Variants in NOMO1 observed in about 807,000 individuals in gnomAD.
NOMO1 encodes the protein nodal modulator 3.
Under a neutral mutation model 133.8 loss-of-function variants are expected in NOMO1, and 40 were observed. The ratio of observed to expected loss-of-function variants is 0.30; its 90% CI spans 0.23 to 0.39. The LOEUF is 0.39. Among genes scored for constraint, NOMO1 ranks in the 10% least tolerant of loss-of-function variants. The probability of loss-of-function intolerance (pLI) is 1.00; values close to 1 mark genes in which losing one functional copy is unlikely to be tolerated. For synonymous variants in NOMO1, 236 were observed against 570.5 expected, an observed-to-expected ratio of 0.41 and a Z score of 8.36; for missense variants, 462 against 1,419.9, an observed-to-expected ratio of 0.33 and a Z score of 10.84.
intron 11 of NOMO1, 26 bp downstream of exon 11, chr16:14,857,681 G>T (rs1187238582): frequency 6.2e-7 from 1 of 1,613,694 alleles, no homozygotes; most frequent in Non-Finnish European, 8.5e-7. Flanking sequence ...GGATTTGGAA[G>T]CGCCAGTAAA....
chr16:14,835,874 A>G (rs1963499163), intron 1 of NOMO1, among the ~76,000 whole-genome samples: 6 of 151,870 alleles, frequency 4.0e-5, no homozygotes, highest in Admixed American at 3.9e-4. Context: ...GTCAACAACT[A>G]TTTACTGAGC....
intron 29 of NOMO1, among the ~76,000 whole-genome samples, chr16:14,894,238 T>G (rs1348518671): frequency 1.3e-5 from 2 of 152,088 alleles, no homozygotes; most frequent in Non-Finnish European, 1.5e-5. Flanking sequence ...TCTGTCTCAT[T>G]GCGCTGTTCC....
rs557154174 is a variant in NOMO1 at position 14,860,599 on chromosome 16, G to A, written c.1221-2414G>A. On this transcript the variant is annotated intron_variant, in intron 11 of 30. Coordinates refer to ENST00000287667, the MANE Select transcript of NOMO1 (RefSeq NM_014287.4). ...AGCGAGGAGTAGATGGATTTGGTAG[G>A]TCACATGGAGAACACACCCACAGGC... Among the ~76,000 whole-genome samples the A allele has an allele frequency of 1.2e-4, 18 of 151,920 alleles. No homozygotes were observed. In the South Asian group the frequency reaches 2.7e-3, roughly 23 times the overall value.
At chr16:14,837,267 C>G (rs1221432817) in intron 1 of NOMO1, among the ~76,000 whole-genome samples, 1 of 152,034 alleles carries the variant, frequency 6.6e-6, no homozygotes, top group Admixed American at 6.6e-5. Flanking sequence ...CTTTGGCCTC[C>G]CAAAATGCTG....
At chr16:14,877,497 A>G (rs1342657816) in intron 22 of NOMO1, among the ~76,000 whole-genome samples, 3 of 151,462 alleles carry the variant, frequency 2.0e-5, no homozygotes, top group Non-Finnish European at 4.4e-5. Context: ...ACTGAAAGAT[A>G]TTCAAACTCG....
intron 28 of NOMO1, 46 bp from the exon 29 acceptor site, chr16:14,889,050 G>T: frequency 6.2e-7 from 1 of 1,611,678 alleles, no homozygotes; most frequent in South Asian, 1.1e-5. Context: ...CATTTGCTTT[G>T]CCAGAGCTGT....
At chr16:14,844,988 C>T (rs1963658303) in intron 4 of NOMO1, among the ~76,000 whole-genome samples, 1 of 152,014 alleles carries the variant, frequency 6.6e-6, no homozygotes, top group African/African-American at 2.4e-5. Context: ...GTCATCCCCT[C>T]TGCTCCCAGA....
At chr16:14,860,328 A>G (rs1485346828) in intron 11 of NOMO1, among the ~76,000 whole-genome samples, 1 of 150,634 alleles carries the variant, frequency 6.6e-6, no homozygotes, top group Non-Finnish European at 1.5e-5. Context: ...AGATTGCACC[A>G]TTGCACTCCA....
chr16:14,855,354 G>C lies in NOMO1; in HGVS notation c.963+1328G>C, dbSNP rs1963818272. On this transcript the variant is annotated intron_variant, in intron 9 of 30. Coordinates refer to ENST00000287667, the MANE Select transcript of NOMO1 (RefSeq NM_014287.4). ...TCCTTTAATTACAGAAGTAGAAAAT[G>C]GTTACTGTAGAAAATTGGCTAGCTA... 1.3e-5 allele frequency among the ~76,000 whole-genome samples: 2 copies of C among 150,864 alleles called. 1 individual carries two copies. The highest frequency in any genetic ancestry group is 4.9e-5 in the African/African-American group (2 of 40,820).
At chr16:14,878,547 TAC>T (rs1348995352) in intron 22 of NOMO1, among the ~76,000 whole-genome samples, 172 bp from the exon 23 acceptor site, 2 of 143,798 alleles carry the variant, frequency 1.4e-5, no homozygotes, top group East Asian at 4.3e-4. Context: ...ACACCAAACT[TAC>T]AAAACTTACA....
chr16:14,837,429 G>A (rs1010623544), intron 1 of NOMO1, among the ~76,000 whole-genome samples: 1 of 152,122 alleles, frequency 6.6e-6, no homozygotes, highest in African/African-American at 2.4e-5. Context: ...AACCGAACAC[G>A]AGCTTGCCCA....
intron 1 of NOMO1, among the ~76,000 whole-genome samples, chr16:14,834,593 G>A (rs1597087725): frequency 2.0e-5 from 3 of 150,426 alleles, no homozygotes; most frequent in African/African-American, 4.9e-5. Flanking sequence ...TTATTTCTCC[G>A]GCTCCCCTCC....
In NOMO1 at chr16:14,884,145, G is replaced by T. The variant is rs983285581; in HGVS notation, c.3112-227G>T. 2.6e-5 allele frequency among the ~76,000 whole-genome samples: 4 copies of T among 151,362 alleles called. No homozygotes were observed. In the East Asian group the frequency reaches 7.8e-4, roughly 29 times the overall value. On this transcript the variant is annotated intron_variant, in intron 26 of 30. Transcript: ENST00000287667. ...TAACATGTTGGCAAGTAATTCAAAC[G>T]TAGAAAAAAAATACTGTGCTTTCGA...
chr16:14,885,706 A>C (rs1964314066), intron 27 of NOMO1, among the ~76,000 whole-genome samples: 1 of 151,604 alleles, frequency 6.6e-6, no homozygotes, highest in Admixed American at 6.6e-5. Context: ...TGAGTGGCAC[A>C]GGGGAGGGGA....
intron 20 of NOMO1, among the ~76,000 whole-genome samples, chr16:14,875,666 A>C (rs1471086136): frequency 1.3e-5 from 2 of 151,990 alleles, no homozygotes; most frequent in Non-Finnish European, 2.9e-5. Flanking sequence ...GATTTAGATA[A>C]ATAAAAGTAA....
At chr16:14,860,367 CAA>C (rs1177987042) in intron 11 of NOMO1, among the ~76,000 whole-genome samples, 2 of 79,398 alleles carry the variant, frequency 2.5e-5, no homozygotes, top group Non-Finnish European at 2.6e-5. Context: ...GATTCCGTCT[CAA>C]AAAAAAAAAA....
At position 14,879,875 on chromosome 16, in the gene NOMO1, G is replaced by A. The variant is rs1165417284; in HGVS notation, c.2758-140G>A. 37 of 1,559,262 alleles carry A rather than the reference G, an allele frequency of 2.4e-5. 1 individual carries two copies. The highest frequency in any genetic ancestry group is 2.4e-4 in the Middle Eastern group (1 of 4,236). ...TACCTGACTGTGAGTGGTGATTATAGAGAGAGGGTTACTATTTCTGGCTGC... is the reference window on the plus strand; with the variant it reads ...TACCTGACTGTGAGTGGTGATTATAAAGAGAGGGTTACTATTTCTGGCTGC... On this transcript the variant is annotated intron_variant, in intron 23 of 30. Transcript: ENST00000287667.
chr16:14,881,427 T>C, intron 24 of NOMO1, 117 bp from the exon 25 acceptor site: 7 of 1,609,108 alleles, frequency 4.4e-6, no homozygotes, highest in Non-Finnish European at 5.9e-6. Context: ...CCTGGGTCAT[T>C]GAGGCACAGT....
rs201165094 is a variant in NOMO1, at chr16:14,895,970, C to T, written c.*325C>T. On this transcript the variant is annotated 3_prime_UTR_variant, in exon 31 of 31. Transcript: ENST00000287667. ...GTGTGAGAATGTCATTCTTGATCTTCAGCCTTCGTTTGCAAGGAGAGTTCC... is the reference window on the plus strand; with the variant it reads ...GTGTGAGAATGTCATTCTTGATCTTTAGCCTTCGTTTGCAAGGAGAGTTCC... The T allele has an allele frequency of 3.3e-3, 5,210 of 1,600,574 alleles. 2 individuals carry two copies. Among genetic ancestry groups the T allele is most frequent in the Middle Eastern group, 0.01 (46 of 4,410 alleles).
Sources: allele counts gnomAD v4.1 joint callset (sites outside exome capture counted in the v4.1 genomes callset), GRCh38; gene constraint gnomAD v4.1.1; transcripts MANE v1.5; gene names NCBI Gene and HGNC (gene_info 2026-07-23, HGNC 2026-07-21).